The following NLK variants were observed in gnomAD, a reference collection of about 807,000 sequenced individuals.
NLK encodes serine/threonine-protein kinase NLK.
Under a neutral mutation model 59.0 loss-of-function variants are expected in NLK, and 11 were observed. That is an observed-to-expected ratio of 0.19 (90% CI 0.12 to 0.31). The LOEUF (loss-of-function observed/expected upper bound fraction) is 0.31. NLK is among the 10% of genes least tolerant of loss of function. The pLI is 1.00. For missense variants in NLK, 410 were observed against 661.1 expected, an observed-to-expected ratio of 0.62 and a Z score of 4.16; for synonymous variants, 235 against 235.9, an observed-to-expected ratio of 1.00 and a Z score of 0.03.
At chr17:28,198,772 G>C (rs1909548072), downstream of NLK, among the ~76,000 whole-genome samples, 1 of 152,104 alleles carries the variant, frequency 6.6e-6, no homozygotes, top group Admixed American at 6.6e-5. Flanking sequence ...AAACTTCCTG[G>C]GTTGCCAACT....
At chr17:28,160,196 A>G (rs1454110877) in intron 3 of NLK, among the ~76,000 whole-genome samples, 5 of 152,204 alleles carry the variant, frequency 3.3e-5, no homozygotes, top group South Asian at 2.1e-4. Context: ...GGGCATTTCA[A>G]CGTACAATGA....
At chr17:28,149,924 T>G (rs566829815) in intron 3 of NLK, among the ~76,000 whole-genome samples, 15 of 152,348 alleles carry the variant, frequency 9.8e-5, no homozygotes, top group African/African-American at 3.4e-4. Flanking sequence ...TACTACATTA[T>G]GTAATACAAT....
chr17:28,202,964 A>G, the NLK span, among the ~76,000 whole-genome samples: 3 of 151,178 alleles, frequency 2.0e-5, no homozygotes, highest in African/African-American at 4.9e-5. Flanking sequence ...TTACAGGCAT[A>G]AGCCACTGCG....
chr17:28,118,295 A>T (rs981378986), intron 1 of NLK, among the ~76,000 whole-genome samples: 2 of 152,208 alleles, frequency 1.3e-5, no homozygotes, highest in African/African-American at 4.8e-5. Context: ...AGGATTGCTG[A>T]TTACAACTTT....
intron 3 of NLK, among the ~76,000 whole-genome samples, chr17:28,153,393 G>T (rs183721056): frequency 2.0e-5 from 3 of 152,244 alleles, no homozygotes; most frequent in Admixed American, 2.0e-4. Flanking sequence ...AGTTCTGCAG[G>T]CTGGGAAGTC....
intron 2 of NLK, among the ~76,000 whole-genome samples, chr17:28,131,256 C>T (rs1906503318): frequency 1.3e-5 from 2 of 151,874 alleles, no homozygotes; most frequent in South Asian, 4.2e-4. Flanking sequence ...ATCAGTCATA[C>T]TATGTAAATC....
At chr17:28,204,124 A>G in the NLK span, among the ~76,000 whole-genome samples, 1 of 152,202 alleles carries the variant, frequency 6.6e-6, no homozygotes, top group Non-Finnish European at 1.5e-5. Context: ...TGTCACAATT[A>G]TATGAAGTAG....
At chr17:28,192,750 G>T (rs1275407700) in intron 10 of NLK, among the ~76,000 whole-genome samples, 1 of 151,926 alleles carries the variant, frequency 6.6e-6, no homozygotes, top group Non-Finnish European at 1.5e-5. Context: ...TTTTTTCCCC[G>T]GATGACCATT....
intron 1 of NLK, among the ~76,000 whole-genome samples, chr17:28,112,394 A>G (rs1905562944): frequency 6.6e-6 from 1 of 152,092 alleles, no homozygotes; most frequent in Non-Finnish European, 1.5e-5. Context: ...AGGAACTATT[A>G]GATGTACTGG....
In NLK at chr17:28,043,043, C is replaced by T; in HGVS notation, c.170C>T (p.Ser57Leu). 1 of 1,558,040 alleles carries T rather than the reference C, an allele frequency of 6.4e-7. No homozygotes were observed. Among genetic ancestry groups the T allele is most frequent in the South Asian group, 1.2e-5 (1 of 85,302 alleles). ...HHPQHHLHPGSAAAVHPVQQH... is the reference protein window; with the variant it reads ...HHPQHHLHPGLAAAVHPVQQH... ...CCTCAACACCATCTTCATCCGGGGT[C>T]GGCTGCCGCTGTACACCCTGTACAG... The change falls in exon 1 of 11, where the codon TCG becomes TTG. Residue 57 changes from serine to leucine, a missense_variant. This residue lies in a region of NLK where 160 missense variants were observed against 171.0 expected (regional missense o/e 0.94). Transcript: ENST00000407008.
chr17:28,079,575 T>C (rs1910274225), intron 1 of NLK, among the ~76,000 whole-genome samples: 2 of 152,166 alleles, frequency 1.3e-5, no homozygotes, highest in Non-Finnish European at 2.9e-5. Flanking sequence ...CAATACCTCA[T>C]TGTGGTTTTC....
At chr17:28,138,057 C>A (rs1474254086) in intron 3 of NLK, among the ~76,000 whole-genome samples, 1 of 152,000 alleles carries the variant, frequency 6.6e-6, no homozygotes, top group Non-Finnish European at 1.5e-5. Context: ...TTACTTTGAG[C>A]CTACTGAAAT....
At chr17:28,051,655 C>CTT (rs749091116) in intron 1 of NLK, among the ~76,000 whole-genome samples, 11 of 137,924 alleles carry the variant, frequency 8.0e-5, no homozygotes, top group Non-Finnish European at 1.4e-4. Context: ...CTGCGCCCGG[C>CTT]TTTTTTTTTT....
In NLK at chr17:28,059,569, C is replaced by T. The variant is rs1024528831; in HGVS notation, c.458+16238C>T. 4.6e-5 allele frequency among the ~76,000 whole-genome samples: 7 copies of T among 152,096 alleles called. No individual in the cohort carries two copies. In the South Asian group the frequency reaches 6.2e-4, roughly 14 times the overall value. On this transcript the variant is annotated intron_variant, in intron 1 of 10. Coordinates refer to ENST00000407008, the MANE Select transcript of NLK (RefSeq NM_016231.5). ...TATCAAAACATACCAAAGTAGTCTG[C>T]GATGCTAGAGTAGAAAAAAAAGTTC...
chr17:28,163,466 C>T, intron 4 of NLK, 77 bp from the exon 5 acceptor site: 2 of 845,814 alleles, frequency 2.4e-6, no homozygotes, highest in South Asian at 3.2e-5. Context: ...CTACTGTTTT[C>T]TTCCAAGGTT....
At chr17:28,080,140 T>A (rs1245121331) in intron 1 of NLK, among the ~76,000 whole-genome samples, 1 of 152,190 alleles carries the variant, frequency 6.6e-6, no homozygotes, top group African/African-American at 2.4e-5. Context: ...TGTGTGTGTA[T>A]GTGTCTGTCA....
chr17:28,060,337 T>TA (rs565035315), intron 1 of NLK, among the ~76,000 whole-genome samples: 159 of 152,130 alleles, frequency 1.0e-3, no homozygotes, highest in South Asian at 4.1e-3. Context: ...AAATATACCA[T>TA]AAAAAAATGC....
At chr17:28,102,257 G>C (rs1284302667) in intron 1 of NLK, among the ~76,000 whole-genome samples, 2 of 152,146 alleles carry the variant, frequency 1.3e-5, no homozygotes, top group Non-Finnish European at 2.9e-5. Flanking sequence ...TTTTTATTAA[G>C]ATAGAAAAGC....
rs529168923 is a variant in NLK at position 28,135,127 on chromosome 17, C to G, written c.644+2452C>G. On this transcript the variant is annotated intron_variant, in intron 3 of 10. Coordinates refer to ENST00000407008, the MANE Select transcript of NLK (RefSeq NM_016231.5). Reference sequence around the variant, plus strand: ...GTAGCATTCCTATCAGTGTGTAGTACTGTTTCTGTCTCTTTGGAAATGAAG... The same window carrying G: ...GTAGCATTCCTATCAGTGTGTAGTAGTGTTTCTGTCTCTTTGGAAATGAAG... Among the ~76,000 whole-genome samples the G allele has an allele frequency of 2.4e-3, 360 of 152,316 alleles. 3 individuals are homozygous for G. The highest frequency in any genetic ancestry group is 3.4e-3 in the Non-Finnish European group (233 of 68,006).
Sources: allele counts gnomAD v4.1 joint callset (sites outside exome capture counted in the v4.1 genomes callset), GRCh38; gene constraint gnomAD v4.1.1; regional missense constraint gnomAD v4.1.1; transcripts MANE v1.5; gene names NCBI Gene and HGNC (gene_info 2026-07-23, HGNC 2026-07-21).